Variants in ZNF804B observed in about 807,000 individuals in gnomAD.
ZNF804B encodes the protein zinc finger 804B.
A neutral mutation model predicts 101.4 loss-of-function variants in ZNF804B; 80 were observed. The ratio of observed to expected loss-of-function variants is 0.79; its 90% CI spans 0.66 to 0.95. ZNF804B has a LOEUF of 0.95. Among genes scored for constraint, ZNF804B ranks in the 40% least tolerant of loss-of-function variants. The probability of loss-of-function intolerance (pLI) is 0.00; values close to 1 mark genes in which losing one functional copy is unlikely to be tolerated. For synonymous variants in ZNF804B, 622 were observed against 558.8 expected, an observed-to-expected ratio of 1.11 and a Z score of -1.59; for missense variants, 1,673 against 1,561.9, an observed-to-expected ratio of 1.07 and a Z score of -1.20.
chr7:89,023,723 A>G (rs765500), intron 1 of ZNF804B, among the ~76,000 whole-genome samples: 109,363 of 152,010 alleles, frequency 0.72, 40,007 homozygotes, highest in African/African-American at 0.87. Flanking sequence ...CCATGCAGAG[A>G]CAATGTTCTT....
chr7:89,283,906 A>G (rs941654662), intron 2 of ZNF804B, among the ~76,000 whole-genome samples: 4 of 152,254 alleles, frequency 2.6e-5, no homozygotes, highest in Non-Finnish European at 4.4e-5. Flanking sequence ...TCTCAGACAT[A>G]CTATGTAACT....
At chr7:89,028,328 A>G (rs1788781525) in intron 1 of ZNF804B, among the ~76,000 whole-genome samples, 3 of 152,290 alleles carry the variant, frequency 2.0e-5, no homozygotes, top group South Asian at 4.1e-4. Flanking sequence ...AAAGTTGTGC[A>G]TTTGGAAATT....
rs148221817 is a variant in ZNF804B at position 88,977,333 on chromosome 7, T to A, written c.108+217249T>A. Among the ~76,000 whole-genome samples, 780 of 151,592 alleles carry A rather than the reference T, an allele frequency of 5.1e-3. 3 individuals are homozygous for A. Among genetic ancestry groups the A allele is most frequent in the African/African-American group, 0.017 (720 of 41,490 alleles). Reference sequence around the variant, plus strand: ...TGGGTAGCATTGGTATTAGTTCTTTTTTAAATGTTTGATAAAATTTTACAA... The same window carrying A: ...TGGGTAGCATTGGTATTAGTTCTTTATTAAATGTTTGATAAAATTTTACAA... On this transcript the variant is annotated intron_variant, in intron 1 of 3. Coordinates refer to ENST00000333190, the MANE Select transcript of ZNF804B (RefSeq NM_181646.5).
chr7:88,835,256 T>C (rs1445761770), intron 1 of ZNF804B, among the ~76,000 whole-genome samples: 1 of 151,828 alleles, frequency 6.6e-6, no homozygotes, highest in African/African-American at 2.4e-5. Flanking sequence ...TGCTGAAAGC[T>C]TCTGAAGCTG....
intron 1 of ZNF804B, among the ~76,000 whole-genome samples, chr7:89,211,782 ACTCCAG>A (rs1295418500): frequency 1.3e-5 from 2 of 151,874 alleles, no homozygotes; most frequent in Non-Finnish European, 2.9e-5. Context: ...TAGCATGATG[ACTCCAG>A]CTTTGTTCTT....
intron 2 of ZNF804B, among the ~76,000 whole-genome samples, chr7:89,282,473 C>A (rs188834507): frequency 3.9e-5 from 6 of 152,234 alleles, no homozygotes; most frequent in Non-Finnish European, 8.8e-5. Flanking sequence ...AGACTTTCCA[C>A]TCAACGTGAA....
At chr7:89,168,948 A>G (rs571843610) in intron 1 of ZNF804B, among the ~76,000 whole-genome samples, 1 of 152,234 alleles carries the variant, frequency 6.6e-6, no homozygotes, top group East Asian at 1.9e-4. Context: ...TCTTGGCCTC[A>G]CAGATTCCAA....
At chr7:89,316,555 T>A (rs1790728622) in intron 2 of ZNF804B, among the ~76,000 whole-genome samples, 1 of 152,236 alleles carries the variant, frequency 6.6e-6, no homozygotes, top group Non-Finnish European at 1.5e-5. Context: ...AATTAAGATA[T>A]GTAAGCTGAG....
At chr7:88,794,053 A>G in intron 1 of ZNF804B, 1 of 675,482 alleles carries the variant, frequency 1.5e-6, no homozygotes, top group Non-Finnish European at 2.4e-6. Flanking sequence ...ATAAAGATTA[A>G]TATATTACCT....
At chr7:89,139,869 C>G (rs1216075276) in intron 1 of ZNF804B, among the ~76,000 whole-genome samples, 1 of 152,020 alleles carries the variant, frequency 6.6e-6, no homozygotes, top group Non-Finnish European at 1.5e-5. Flanking sequence ...TCTTATGAAT[C>G]ACACACGTTC....
At chr7:88,945,716 A>T (rs540801404) in intron 1 of ZNF804B, among the ~76,000 whole-genome samples, 1 of 152,042 alleles carries the variant, frequency 6.6e-6, no homozygotes, top group South Asian at 2.1e-4. Context: ...TTCTTCCTAT[A>T]CATCAGCATG....
At chr7:89,193,273 G>A (rs985754945) in intron 1 of ZNF804B, among the ~76,000 whole-genome samples, 1 of 145,812 alleles carries the variant, frequency 6.9e-6, no homozygotes, top group African/African-American at 2.5e-5. Context: ...CAAAAGCTTC[G>A]TTTTTTTTTT....
At chr7:89,233,924 G>T (rs1052825844) in intron 2 of ZNF804B, among the ~76,000 whole-genome samples, 1 of 152,160 alleles carries the variant, frequency 6.6e-6, no homozygotes, top group African/African-American at 2.4e-5. Context: ...CTCCCTGCCA[G>T]TTTTTTCTTA....
rs747175162 is a variant in ZNF804B at position 89,334,495 on chromosome 7, C to T, written c.1513C>T (p.Pro505Ser). The T allele has an allele frequency of 1.9e-6, 3 of 1,613,632 alleles. No homozygotes were observed. In the African/African-American group the frequency reaches 4.0e-5, roughly 22 times the overall value. ...CTTAAAAACAGAATTGGGTAAGAAG[C>T]CCTTGGAATTGAAGACTAAAAGAGA... ...EDLKTELGKKPLELKTKRESQ... is the reference protein window; with the variant it reads ...EDLKTELGKKSLELKTKRESQ... The change falls in exon 4 of 4, where the codon CCC becomes TCC. Residue 505 changes from proline to serine, a missense_variant. Pro to Ser is a moderately conservative substitution (Grantham distance 74). Coordinates refer to ENST00000333190, the MANE Select transcript of ZNF804B (RefSeq NM_181646.5).
intron 1 of ZNF804B, among the ~76,000 whole-genome samples, chr7:88,944,396 T>C (rs1314687651): frequency 9.9e-5 from 15 of 151,944 alleles, no homozygotes; most frequent in Admixed American, 9.2e-4. Context: ...TATTTTTGTT[T>C]ATAAAGTGTT....
At chr7:88,974,670 G>A (rs1793589582) in intron 1 of ZNF804B, among the ~76,000 whole-genome samples, 1 of 151,192 alleles carries the variant, frequency 6.6e-6, no homozygotes, top group African/African-American at 2.4e-5. Flanking sequence ...TTATGGGTAT[G>A]TAGTAGGTGT....
chr7:88,832,955 C>G (rs1791155007), intron 1 of ZNF804B, among the ~76,000 whole-genome samples: 1 of 151,922 alleles, frequency 6.6e-6, no homozygotes, highest in Non-Finnish European at 1.5e-5. Flanking sequence ...GGAATTTAGG[C>G]TGGACCATCG....
intron 1 of ZNF804B, among the ~76,000 whole-genome samples, chr7:88,828,470 C>T (rs1381475133): frequency 6.6e-6 from 1 of 151,966 alleles, no homozygotes; most frequent in Non-Finnish European, 1.5e-5. Context: ...TGCCTGGGAT[C>T]CTCCTCTCTG....
chr7:89,195,672 AG>A lies in ZNF804B; in HGVS notation c.109-22482del, dbSNP rs113655172. 7.5e-3 allele frequency among the ~76,000 whole-genome samples: 1,144 copies of A among 152,068 alleles called. 22 individuals carry two copies. The highest frequency in any genetic ancestry group is 0.026 in the African/African-American group (1,076 of 41,498). On this transcript the variant is annotated intron_variant, in intron 1 of 3. Coordinates refer to ENST00000333190, the MANE Select transcript of ZNF804B (RefSeq NM_181646.5). Reference sequence around the variant, plus strand: ...TCTTCAAGGAGAACTACAAACCAAAAGCTTCTTAAGCTGATAAGAAACTTCA... The same window carrying A: ...TCTTCAAGGAGAACTACAAACCAAAACTTCTTAAGCTGATAAGAAACTTCA...
Sources: allele counts gnomAD v4.1 joint callset (sites outside exome capture counted in the v4.1 genomes callset), GRCh38; gene constraint gnomAD v4.1.1; transcripts MANE v1.5; gene names NCBI Gene and HGNC (gene_info 2026-07-23, HGNC 2026-07-21).